CNTNAP2: variants seen among roughly 807,000 people sequenced by gnomAD.
The protein encoded by CNTNAP2 is contactin associated protein 2.
CNTNAP2 carries 98 observed loss-of-function variants against 155.2 expected under a neutral mutation model. The ratio of observed to expected loss-of-function variants is 0.63; its 90% CI spans 0.54 to 0.75. The LOEUF is 0.75. Ranked by LOEUF, CNTNAP2 falls within the 30% of genes least tolerant of loss-of-function variation. The pLI, the probability that CNTNAP2 is intolerant of heterozygous loss-of-function variation, is 0.00. For missense variants in CNTNAP2, 1,727 were observed against 1,688.1 expected (o/e 1.02, Z -0.40); for synonymous variants, 651 against 631.2 (o/e 1.03, Z -0.47).
chr7:147,876,547 T>C (rs1799422171), intron 13 of CNTNAP2, among the ~76,000 whole-genome samples: 1 of 152,162 alleles, frequency 6.6e-6, no homozygotes, highest in African/African-American at 2.4e-5. Context: ...GTAAAGTGGC[T>C]GAAGTTAGTT....
At chr7:146,657,685 G>C (rs555823366) in intron 1 of CNTNAP2, among the ~76,000 whole-genome samples, 2 of 151,794 alleles carry the variant, frequency 1.3e-5, no homozygotes, top group Non-Finnish European at 2.9e-5. Flanking sequence ...TTGGGATTTT[G>C]GACTGTATTT....
At position 147,166,845 on chromosome 7, in the gene CNTNAP2, C is replaced by T. The variant is rs115476960; in HGVS notation, c.1348+34336C>T. 2.6e-3 allele frequency among the ~76,000 whole-genome samples: 399 copies of T among 152,186 alleles called. 9 individuals carry two copies. Among genetic ancestry groups the T allele is most frequent in the African/African-American group, 9.1e-3 (377 of 41,506 alleles). On this transcript the variant is annotated intron_variant, in intron 8 of 23. Coordinates refer to ENST00000361727, the MANE Select transcript of CNTNAP2 (RefSeq NM_014141.6). Reference sequence around the variant, plus strand: ...ACAATGTCATCAATTAAGACAGGAACGGCCATCTGGATGTGTACATGCAGG... The same window carrying T: ...ACAATGTCATCAATTAAGACAGGAATGGCCATCTGGATGTGTACATGCAGG...
intron 1 of CNTNAP2, among the ~76,000 whole-genome samples, chr7:146,178,190 T>A (rs140295641): frequency 0.016 from 2,415 of 152,066 alleles, 38 homozygotes; most frequent in Non-Finnish European, 0.027. Context: ...CCTGCCACCA[T>A]GCCCGGCTAA....
intron 10 of CNTNAP2, among the ~76,000 whole-genome samples, chr7:147,445,452 G>A (rs531938597): frequency 3.3e-5 from 5 of 152,184 alleles, no homozygotes; most frequent in Admixed American, 2.6e-4. Context: ...ATTTTCACAT[G>A]GTATTTTATG....
At chr7:146,630,777 CA>C (rs1799498010) in intron 1 of CNTNAP2, among the ~76,000 whole-genome samples, 2 of 151,934 alleles carry the variant, frequency 1.3e-5, no homozygotes, top group African/African-American at 4.8e-5. Context: ...CAACAATAGA[CA>C]AGCAGAGAGC....
intron 15 of CNTNAP2, among the ~76,000 whole-genome samples, chr7:148,024,949 T>C (rs6955458): frequency 0.045 from 6,833 of 152,282 alleles, 284 homozygotes; most frequent in East Asian, 0.26. Flanking sequence ...GAATCTCACC[T>C]GACTCCATCT....
chr7:146,866,480 A>G (rs1335610175), intron 3 of CNTNAP2, among the ~76,000 whole-genome samples: 3 of 152,150 alleles, frequency 2.0e-5, no homozygotes, highest in Non-Finnish European at 4.4e-5. Flanking sequence ...GCCAAATAAG[A>G]AAACAATTAG....
At chr7:146,784,623 T>C (rs576474566) in intron 2 of CNTNAP2, among the ~76,000 whole-genome samples, 61 of 152,224 alleles carry the variant, frequency 4.0e-4, no homozygotes, top group Non-Finnish European at 7.9e-4. Context: ...CTTGGGCCAC[T>C]TCCTACTTGT....
chr7:146,149,460 C>G (rs1798004749), intron 1 of CNTNAP2, among the ~76,000 whole-genome samples: 1 of 152,068 alleles, frequency 6.6e-6, no homozygotes, highest in African/African-American at 2.4e-5. Flanking sequence ...CATTTTCTAC[C>G]TAAATTTGCC....
At position 146,514,520 on chromosome 7, in the gene CNTNAP2, C is replaced by T. The variant is rs574189933; in HGVS notation, c.98-259751C>T. Among the ~76,000 whole-genome samples the T allele has an allele frequency of 1.2e-4, 19 of 152,156 alleles. No individual in the cohort carries two copies. In the South Asian group the frequency reaches 3.9e-3, roughly 32 times the overall value. On this transcript the variant is annotated intron_variant, in intron 1 of 23. Coordinates refer to ENST00000361727, the MANE Select transcript of CNTNAP2 (RefSeq NM_014141.6). ...GTCCTGCTGCTGAGACTCTCTGATG[C>T]ATTTTTCATCTAATTCAATGTATTC...
chr7:146,267,933 C>T (rs755223102), intron 1 of CNTNAP2, among the ~76,000 whole-genome samples: 1 of 152,110 alleles, frequency 6.6e-6, no homozygotes, highest in Non-Finnish European at 1.5e-5. Flanking sequence ...AACATATGTG[C>T]AGGGATCTAG....
intron 8 of CNTNAP2, among the ~76,000 whole-genome samples, chr7:147,291,407 AAT>A (rs1293162027): frequency 3.3e-5 from 5 of 152,126 alleles, no homozygotes; most frequent in African/African-American, 4.8e-5. Context: ...ATATTCATAA[AAT>A]ATGTTATTTT....
intron 3 of CNTNAP2, among the ~76,000 whole-genome samples, chr7:146,978,451 A>G (rs1470715939): frequency 6.6e-6 from 1 of 152,156 alleles, no homozygotes; most frequent in Non-Finnish European, 1.5e-5. Flanking sequence ...AGGAGTTGGA[A>G]TAATGCTAAA....
intron 13 of CNTNAP2, among the ~76,000 whole-genome samples, chr7:147,744,704 T>C (rs1490732809): frequency 6.6e-6 from 1 of 152,220 alleles, no homozygotes. Flanking sequence ...TCTTCCTGGC[T>C]TGCTGACGGC....
intron 1 of CNTNAP2, among the ~76,000 whole-genome samples, chr7:146,485,068 C>G (rs1334651693): frequency 1.3e-5 from 2 of 152,002 alleles, no homozygotes; most frequent in Non-Finnish European, 2.9e-5. Flanking sequence ...GCCAGGTTAC[C>G]TTACAAATGG....
At chr7:148,112,358 G>A (rs1406161984) in intron 15 of CNTNAP2, among the ~76,000 whole-genome samples, 2 of 151,760 alleles carry the variant, frequency 1.3e-5, no homozygotes, top group Non-Finnish European at 2.9e-5. Flanking sequence ...GATTTTATTG[G>A]TTGGCTTTTA....
At chr7:146,728,884 T>C (rs528518234) in intron 1 of CNTNAP2, among the ~76,000 whole-genome samples, 1 of 152,300 alleles carries the variant, frequency 6.6e-6, no homozygotes, top group South Asian at 2.1e-4. Context: ...TAGTGCCAGG[T>C]CGTCGTTCTC....
chr7:148,031,550 G>A (rs1196191549), intron 15 of CNTNAP2, among the ~76,000 whole-genome samples: 1 of 152,310 alleles, frequency 6.6e-6, no homozygotes, highest in African/African-American at 2.4e-5. Flanking sequence ...TACTACTTAA[G>A]TGCTACTTAA....
chr7:146,982,105 T>C (rs1276275862), intron 3 of CNTNAP2, among the ~76,000 whole-genome samples: 1 of 152,154 alleles, frequency 6.6e-6, no homozygotes, highest in African/African-American at 2.4e-5. Flanking sequence ...CATTTAAACA[T>C]GTAAATGGAC....
Sources: gnomAD v4.1 joint callset for allele counts (sites outside exome capture counted in the v4.1 genomes callset) on GRCh38, gnomAD v4.1.1 for gene constraint, MANE v1.5 for transcripts, NCBI Gene and HGNC (gene_info 2026-07-23, HGNC 2026-07-21) for gene names.